TACC3: variants seen among roughly 807,000 people sequenced by gnomAD.
TACC3 encodes transforming acidic coiled-coil containing protein 3.
Under a neutral mutation model 86.0 loss-of-function variants are expected in TACC3, and 52 were observed. The ratio of observed to expected loss-of-function variants is 0.60; its 90% CI spans 0.48 to 0.76. TACC3 has a LOEUF of 0.76. Among genes scored for constraint, TACC3 ranks in the 30% least tolerant of loss-of-function variants. The pLI, the probability that TACC3 is intolerant of heterozygous loss-of-function variation, is 0.00. For synonymous variants in TACC3, 512 were observed against 430.0 expected (o/e 1.19, Z -2.36); for missense variants, 1,120 against 1,070.4 (o/e 1.05, Z -0.65).
chr4:1,744,937 T>G lies in TACC3; in HGVS notation c.2452-11T>G. On this transcript the variant is annotated splice_polypyrimidine_tract_variant and intron_variant, in intron 15 of 15. Transcript: ENST00000313288. ...CAGGGAGAAGCCCCGCAACTCATCT[T>G]CCTCCTCCAGACTAAAGAGAACGAG... The G allele has an allele frequency of 1.2e-6, 2 of 1,611,890 alleles. No homozygotes were observed. The highest frequency in any genetic ancestry group is 1.1e-5 in the South Asian group (1 of 90,764).
rs759791418 is a variant in TACC3, at chr4:1,730,881, C to T, written c.1386-6C>T. 6.2e-7 allele frequency: 1 copy of T among 1,612,934 alleles called. No homozygotes were observed. Among genetic ancestry groups the T allele is most frequent in the African/African-American group, 1.3e-5 (1 of 75,066 alleles). ...GCATGGGCCTCTGCTGACTCTGTCT[C>T]CCCAGGCAGCTGCATTCAGCCTCAG... On this transcript the variant is annotated splice_polypyrimidine_tract_variant and splice_region_variant and intron_variant, in intron 4 of 15. Coordinates refer to ENST00000313288, the MANE Select transcript of TACC3 (RefSeq NM_006342.3).
At chr4:1,723,668 T>A in intron 2 of TACC3, 60 bp from the exon 3 acceptor site, 3 of 1,612,336 alleles carry the variant, frequency 1.9e-6, no homozygotes, top group Non-Finnish European at 2.5e-6. Context: ...AGGACACTGC[T>A]GGTGTGGCTG....
chr4:1,730,946 C>T lies in TACC3; in HGVS notation c.1445C>T (p.Pro482Leu), dbSNP rs868678811. 6.2e-7 allele frequency: 1 copy of T among 1,613,440 alleles called. No individual in the cohort carries two copies. Among genetic ancestry groups the T allele is most frequent in the Non-Finnish European group, 8.5e-7 (1 of 1,180,022 alleles). Reference protein sequence around the residue: ...TPVVQLAAETPTAESKERALN... With the variant: ...TPVVQLAAETLTAESKERALN... ...GTGGTGCAGTTGGCAGCCGAGACCCCAACAGCAGAGAGCAAGGTAAGGGGT... is the reference window on the plus strand; with the variant it reads ...GTGGTGCAGTTGGCAGCCGAGACCCTAACAGCAGAGAGCAAGGTAAGGGGT... The change falls in exon 5 of 16, where the codon CCA becomes CTA. Residue 482 changes from proline (P) to leucine (L), a missense_variant. Pro to Leu is a moderately conservative substitution (Grantham distance 98). Transcript: ENST00000313288.
At chr4:1,730,643 A>T (rs1717958119) in intron 4 of TACC3, 4 of 648,130 alleles carry the variant, frequency 6.2e-6, no homozygotes, top group Non-Finnish European at 1.1e-5. Flanking sequence ...CTGACTTTAG[A>T]GCTCCCAGCC....
intron 6 of TACC3, among the ~76,000 whole-genome samples, chr4:1,732,269 G>A (rs1378650254): frequency 2.6e-5 from 4 of 151,882 alleles, no homozygotes; most frequent in South Asian, 2.1e-4. Flanking sequence ...CGGTTTGTCC[G>A]TAAGATTGGA....
At chr4:1,730,392 A>G (rs1377233357) in intron 4 of TACC3, 3 of 256,128 alleles carry the variant, frequency 1.2e-5, no homozygotes, top group Non-Finnish European at 2.4e-5. Flanking sequence ...ATAAAGAGTA[A>G]AGCTACAAAC....
intron 6 of TACC3, among the ~76,000 whole-genome samples, chr4:1,734,700 T>A (rs1718167556): frequency 6.6e-6 from 1 of 152,048 alleles, no homozygotes; most frequent in African/African-American, 2.4e-5. Context: ...GCAACAGTTT[T>A]CCCTCCGCTG....
Position 1,740,318 on chromosome 4 carries a change from G to T in TACC3, c.2062+316G>T. ...GCCTACCCCACTCCACCCTGCCCTC[G>T]CCGTGCGGCTATGTCTAGCAGCAGC... On this transcript the variant is annotated intron_variant, in intron 12 of 15. Transcript: ENST00000313288. 4 of 502,868 alleles carry T rather than the reference G, an allele frequency of 8.0e-6. No individual in the cohort carries two copies. In the South Asian group the frequency reaches 9.7e-5, roughly 12 times the overall value. 31.2% of individuals were successfully genotyped at this position (502,868 alleles called of 1,614,324 possible). A position where few individuals can be genotyped will look rare whatever the true frequency, so the allele number is the denominator to read the frequency against.
rs1445824227 is a variant in TACC3, at chr4:1,728,173, G to A, written c.771G>A (p.Lys257=). 6.2e-7 allele frequency: 1 copy of A among 1,611,658 alleles called. No individual in the cohort carries two copies. The highest frequency in any genetic ancestry group is 1.7e-5 in the Admixed American group (1 of 59,832). ...VATSPPGAIP[K]EACGGAPLQG... is the part of the protein sequence containing the mutation. ...CTTCGCCTCCTGGTGCAATCCCTAAGGAAGCCTGCGGAGGAGCACCCCTGC... is the reference window on the plus strand; with the variant it reads ...CTTCGCCTCCTGGTGCAATCCCTAAAGAAGCCTGCGGAGGAGCACCCCTGC... The change falls in exon 4 of 16, where the codon AAG becomes AAA. Residue 257 remains lysine, a synonymous_variant. Coordinates refer to ENST00000313288, the MANE Select transcript of TACC3 (RefSeq NM_006342.3).
chr4:1,729,075 T>C (rs879747450), intron 4 of TACC3, among the ~76,000 whole-genome samples: 1 of 152,200 alleles, frequency 6.6e-6, no homozygotes, highest in Non-Finnish European at 1.5e-5. Context: ...GGCAGGACCC[T>C]GTCCCCCAGT....
intron 4 of TACC3, among the ~76,000 whole-genome samples, chr4:1,730,069 C>T (rs1236422583): frequency 1.3e-5 from 2 of 151,968 alleles, no homozygotes; most frequent in South Asian, 2.1e-4. Flanking sequence ...GACAGAGTCT[C>T]GCTCTGTCAC....
chr4:1,728,665 C>T lies in TACC3; in HGVS notation c.1263C>T (p.Asp421=). 9 of 1,613,862 alleles carry T rather than the reference C, an allele frequency of 5.6e-6. No individual in the cohort carries two copies. Among genetic ancestry groups the T allele is most frequent in the Non-Finnish European group, 6.8e-6 (8 of 1,180,028 alleles). The change falls in exon 4 of 16, where the codon GAC becomes GAT. Residue 421 remains aspartate, a synonymous_variant. Transcript: ENST00000313288. ...DDPNFIPFGG[D]TKSGCSEAQP... is the part of the protein sequence containing the mutation. ...CAAACTTCATCCCGTTCGGAGGTGA[C>T]ACCAAGTCTGGTTGCAGTGAGGCCC...
rs148572882 is a variant in TACC3, at chr4:1,744,760, G to A, written c.2379G>A (p.Ala793=). The change falls in exon 15 of 16, where the codon GCG becomes GCA. Residue 793 remains alanine (A), a synonymous_variant. Transcript: ENST00000313288. ...AQVRSKAQAE[A]LALQASLRKE... ...TCCGGAGCAAGGCCCAGGCGGAAGCGTTGGCCCTCCAGGCCAGCCTGAGGA... is the reference window on the plus strand; with the variant it reads ...TCCGGAGCAAGGCCCAGGCGGAAGCATTGGCCCTCCAGGCCAGCCTGAGGA... 3.0e-5 allele frequency: 48 copies of A among 1,612,702 alleles called. No homozygotes were observed. The African/African-American group carries it at 3.7e-4, about 13-fold the overall frequency.
intron 10 of TACC3, chr4:1,737,956 C>A: frequency 1.7e-6 from 1 of 597,224 alleles, no homozygotes. Context: ...CCGGCCTGGG[C>A]ATGGCGTTGG....
intron 10 of TACC3, 40 bp downstream of exon 10, chr4:1,737,742 G>A: frequency 6.5e-7 from 1 of 1,526,862 alleles, no homozygotes; most frequent in Non-Finnish European, 8.9e-7. Flanking sequence ...GAACCTGCAG[G>A]CCGCTCTGGG....
At position 1,731,404 on chromosome 4, in the gene TACC3, G is replaced by T. The variant is rs143682233; in HGVS notation, c.1591+103G>T. ...TGCATCATCGGCAGGTGGTCATTTC[G>T]CAGGCAGTTGGGTCCCTTGACTTTG... On this transcript the variant is annotated intron_variant, in intron 6 of 15. Coordinates refer to ENST00000313288, the MANE Select transcript of TACC3 (RefSeq NM_006342.3). The T allele has an allele frequency of 7.9e-4, 1,108 of 1,395,874 alleles. 1 individual carries two copies. Among genetic ancestry groups the T allele is most frequent in the Non-Finnish European group, 1.1e-3 (1,071 of 1,014,992 alleles). The allele number at this position is 1,395,874 out of a possible 1,614,324, so 86.5% of individuals were successfully genotyped here. A position where few individuals can be genotyped will look rare whatever the true frequency, so the allele number is the denominator to read the frequency against.
upstream of TACC3, chr4:1,721,079 G>C: frequency 3.5e-6 from 1 of 284,874 alleles, no homozygotes; most frequent in Non-Finnish European, 6.4e-6. Context: ...CGCCCGCGGG[G>C]CACTCTAGGG....
intron 3 of TACC3, among the ~76,000 whole-genome samples, chr4:1,724,686 G>A (rs1717598859): frequency 6.6e-6 from 1 of 152,092 alleles, no homozygotes; most frequent in Admixed American, 6.6e-5. Context: ...TGGGCACCCA[G>A]GAACACCTCA....
rs1196352005 is a variant in TACC3 at position 1,740,019 on chromosome 4, CCGAGGCCACGTGCCTCCA to C, written c.2062+23_2062+40del. ...AGGCCATGGGTGAGTGCCCGGGCCA[CCGAGGCCACGTGCCTCCA>C]CGAGGGGCTGCCTATGCCCCACCCT... On this transcript the variant is annotated intron_variant, in intron 12 of 15. Transcript: ENST00000313288. 1 of 1,612,806 alleles carries C rather than the reference CCGAGGCCACGTGCCTCCA, an allele frequency of 6.2e-7. No individual in the cohort carries two copies. Among genetic ancestry groups the C allele is most frequent in the Non-Finnish European group, 8.5e-7 (1 of 1,179,888 alleles).
Sources: gnomAD v4.1 joint callset for allele counts (sites outside exome capture counted in the v4.1 genomes callset) on GRCh38, gnomAD v4.1.1 for gene constraint, MANE v1.5 for transcripts, NCBI Gene and HGNC (gene_info 2026-07-23, HGNC 2026-07-21) for gene names.